PRKAR1A: variants seen among roughly 807,000 people sequenced by gnomAD.
PRKAR1A encodes protein kinase cAMP-dependent type I regulatory subunit alpha.
A neutral mutation model predicts 52.0 loss-of-function variants in PRKAR1A; 3 were observed. The observed-to-expected ratio is 0.06, with a 90% CI of 0.03 to 0.15. PRKAR1A has a LOEUF of 0.15. PRKAR1A is among the 10% of genes least tolerant of loss of function. PRKAR1A has a pLI of 1.00. For synonymous variants in PRKAR1A, 188 were observed against 168.4 expected (o/e 1.12, Z -0.90); for missense variants, 240 against 477.4 (o/e 0.50, Z 4.63).
At chr17:68,458,824 A>G in the PRKAR1A span, among the ~76,000 whole-genome samples, 1 of 152,178 alleles carries the variant, frequency 6.6e-6, no homozygotes, top group African/African-American at 2.4e-5. Context: ...TTGTTATATG[A>G]CAGTCTCTCA....
chr17:68,490,655 GC>G, the PRKAR1A span, among the ~76,000 whole-genome samples: 1 of 152,110 alleles, frequency 6.6e-6, no homozygotes, highest in African/African-American at 2.4e-5. Flanking sequence ...CATCTGAGGG[GC>G]GTGTCCTGTG....
At chr17:68,525,622 C>A in intron 6 of PRKAR1A, 132 bp from the exon 7 acceptor site, 1 of 974,706 alleles carries the variant, frequency 1.0e-6, no homozygotes, top group Non-Finnish European at 1.6e-6. Context: ...CTGTTGTGTA[C>A]TGCAAACATA....
intron 7 of PRKAR1A, among the ~76,000 whole-genome samples, chr17:68,527,317 C>G (rs1383030807): frequency 6.6e-6 from 1 of 151,906 alleles, no homozygotes; most frequent in African/African-American, 2.4e-5. Context: ...GGTGAGAAGC[C>G]AGAACTAATG....
chr17:68,547,304 G>A (rs2885731), intron 11 of PRKAR1A, among the ~76,000 whole-genome samples: 67,439 of 151,932 alleles, frequency 0.44, 15,832 homozygotes, highest in East Asian at 0.72. Context: ...TAAGTTCTAG[G>A]GTACATGTGC....
the PRKAR1A span, among the ~76,000 whole-genome samples, chr17:68,439,089 C>G: frequency 6.6e-6 from 1 of 152,106 alleles, no homozygotes; most frequent in East Asian, 1.9e-4. Flanking sequence ...TCTTCAAAAG[C>G]TAAACATAAA....
Position 68,530,571 on chromosome 17 carries a change from T to C in PRKAR1A, c.*122T>C. 6.3e-7 allele frequency: 1 copy of C among 1,577,794 alleles called. No individual in the cohort carries two copies. Among genetic ancestry groups the C allele is most frequent in the Non-Finnish European group, 8.6e-7 (1 of 1,162,778 alleles). On this transcript the variant is annotated 3_prime_UTR_variant, in exon 11 of 11. Transcript: ENST00000589228. ...CTGGCATCGCAGCTTCCTGTCTGTT[T>C]ATATATTGAAAGTTGCTTTTATTGC...
At chr17:68,445,843 C>A in the PRKAR1A span, among the ~76,000 whole-genome samples, 10 of 152,334 alleles carry the variant, frequency 6.6e-5, no homozygotes, top group African/African-American at 2.4e-4. Flanking sequence ...TGACTTGGCT[C>A]CCCTCAGGCC....
rs777110464 is a variant in PRKAR1A, at chr17:68,515,462, C to T, written c.63C>T (p.Tyr21=). ...GCAGCCTTCGAGAATGTGAGCTCTA[C>T]GTCCAGAAGCATAACATTCAAGCGC... ...EARSLRECEL[Y]VQKHNIQALL... is the part of the protein sequence containing the mutation. The change falls in exon 2 of 11, where the codon TAC becomes TAT. Residue 21 remains tyrosine, a synonymous_variant. Coordinates refer to ENST00000589228, the MANE Select transcript of PRKAR1A (RefSeq NM_002734.5). 2.6e-5 allele frequency: 42 copies of T among 1,613,498 alleles called. No homozygotes were observed. The Admixed American group carries it at 6.3e-4, about 24-fold the overall frequency.
In PRKAR1A at chr17:68,532,452, TTAAAGA is replaced by T; in HGVS notation, c.*2007_*2012del. The T allele has an allele frequency of 2.8e-6, 3 of 1,060,908 alleles. No homozygotes were observed. Among genetic ancestry groups the T allele is most frequent in the Non-Finnish European group, 3.4e-6 (3 of 875,074 alleles). 65.7% of individuals were successfully genotyped at this position (1,060,908 alleles called of 1,614,324 possible). ...CTTCTGTAGTTTTTAATTAAAAACT[TTAAAGA>T]TAAGTCTACATTAAACAATGATCAC... On this transcript the variant is annotated 3_prime_UTR_variant, in exon 11 of 11. Coordinates refer to ENST00000589228, the MANE Select transcript of PRKAR1A (RefSeq NM_002734.5).
chr17:68,530,051 C>T (rs770511334), intron 10 of PRKAR1A, 50 bp downstream of exon 10: 1 of 1,573,566 alleles, frequency 6.4e-7, no homozygotes, highest in South Asian at 1.1e-5. Context: ...TAAGTCACCT[C>T]TCAGTGAGAT....
the PRKAR1A span, among the ~76,000 whole-genome samples, chr17:68,431,686 C>G: frequency 1.0e-3 from 11 of 11,054 alleles, no homozygotes; most frequent in South Asian, 0.027. Flanking sequence ...GCTAAAGACA[C>G]GTTCAAGGGC....
At chr17:68,458,181 C>G in the PRKAR1A span, among the ~76,000 whole-genome samples, 2 of 152,158 alleles carry the variant, frequency 1.3e-5, no homozygotes, top group Non-Finnish European at 2.9e-5. Flanking sequence ...GGTTGAGAAC[C>G]CTCACTACTT....
chr17:68,447,959 T>G, the PRKAR1A span, among the ~76,000 whole-genome samples: 5 of 130,344 alleles, frequency 3.8e-5, no homozygotes, highest in African/African-American at 1.5e-4. Context: ...CACTCCAGCC[T>G]GGGCAACAGA....
chr17:68,421,235 C>T, the PRKAR1A span: 2 of 152,730 alleles, frequency 1.3e-5, no homozygotes, highest in Non-Finnish European at 2.9e-5. Flanking sequence ...TCCTCCTGTC[C>T]CCTATAACCA....
chr17:68,419,548 G>T, the PRKAR1A span, among the ~76,000 whole-genome samples: 1 of 152,198 alleles, frequency 6.6e-6, no homozygotes, highest in Non-Finnish European at 1.5e-5. Flanking sequence ...TTGCACTCCA[G>T]CCTGGGTGAC....
At chr17:68,448,128 T>C in the PRKAR1A span, among the ~76,000 whole-genome samples, 1 of 152,010 alleles carries the variant, frequency 6.6e-6, no homozygotes, top group Non-Finnish European at 1.5e-5. Flanking sequence ...TGCTACAGAA[T>C]AGAACAGGAC....
At chr17:68,510,030 G>C (rs186224225), upstream of PRKAR1A, among the ~76,000 whole-genome samples, 2 of 152,198 alleles carry the variant, frequency 1.3e-5, no homozygotes, top group African/African-American at 4.8e-5. Flanking sequence ...CTAATGGTGG[G>C]ACATAGTGTC....
intron 7 of PRKAR1A, among the ~76,000 whole-genome samples, chr17:68,527,106 A>G (rs909176664): frequency 2.0e-5 from 3 of 152,260 alleles, no homozygotes; most frequent in African/African-American, 7.2e-5. Flanking sequence ...CAAAGAAGGA[A>G]GAGGTAGGAC....
rs34017561 is a variant in PRKAR1A at position 68,539,954 on chromosome 17, C to T, written c.973+9953C>T. ...CTTGGTGAACATCTCATAATGGTGC[C>T]GGTCCATATTCCCTGTGAAGGAGGG... On this transcript the variant is annotated intron_variant, in intron 11 of 11. Coordinates refer to the PRKAR1A transcript ENST00000585981. 127 of 1,613,982 alleles carry T rather than the reference C, an allele frequency of 7.9e-5. No homozygotes were observed. Among genetic ancestry groups the T allele is most frequent in the East Asian group, 4.5e-5 (2 of 44,876 alleles).
Sources: allele counts gnomAD v4.1 joint callset (sites outside exome capture counted in the v4.1 genomes callset), GRCh38; gene constraint gnomAD v4.1.1; transcripts MANE v1.5; gene names NCBI Gene and HGNC (gene_info 2026-07-23, HGNC 2026-07-21).